MCC: variants seen among roughly 807,000 people sequenced by gnomAD.
MCC encodes MCC regulator of Wnt signaling pathway.
In MCC, 90 loss-of-function variants were observed where a neutral mutation model predicts 116.2. The observed-to-expected ratio is 0.77, with a 90% CI of 0.65 to 0.92. MCC has a LOEUF of 0.92. MCC is among the 40% of genes least tolerant of loss of function. The pLI is 0.00. For synonymous variants in MCC, 578 were observed against 510.5 expected, an observed-to-expected ratio of 1.13 and a Z score of -1.78; for missense variants, 1,516 against 1,312.2, an observed-to-expected ratio of 1.16 and a Z score of -2.40.
At chr5:113,475,479 G>A (rs1252442163) in intron 1 of MCC, among the ~76,000 whole-genome samples, 1 of 152,142 alleles carries the variant, frequency 6.6e-6, no homozygotes, top group East Asian at 1.9e-4. Context: ...ATCAGTTAGA[G>A]TCATCGATAA....
intron 3 of MCC, 82 bp downstream of exon 3, chr5:113,340,437 C>T (rs2150378725): frequency 8.7e-7 from 1 of 1,151,402 alleles, no homozygotes; most frequent in Non-Finnish European, 1.3e-6. Context: ...CCCGATATGT[C>T]CCCTGGAGCA....
At chr5:113,398,289 A>T (rs1769587585) in intron 1 of MCC, among the ~76,000 whole-genome samples, 1 of 152,202 alleles carries the variant, frequency 6.6e-6, no homozygotes, top group South Asian at 2.1e-4. Flanking sequence ...TTTCTCAAAG[A>T]ACTAAACATG....
chr5:113,288,916 G>A (rs999965892), intron 3 of MCC, among the ~76,000 whole-genome samples: 4 of 152,178 alleles, frequency 2.6e-5, no homozygotes, highest in African/African-American at 9.7e-5. Flanking sequence ...AGACAAGCAT[G>A]TCAATATCTG....
intron 6 of MCC, among the ~76,000 whole-genome samples, chr5:113,120,595 T>C (rs1343434309): frequency 6.6e-6 from 1 of 152,206 alleles, no homozygotes; most frequent in Non-Finnish European, 1.5e-5. Flanking sequence ...CTACTATCTT[T>C]AAACACATGT....
At chr5:113,436,006 G>A (rs1770846975) in intron 1 of MCC, 1 of 152,428 alleles carries the variant, frequency 6.6e-6, no homozygotes, top group African/African-American at 2.4e-5. Flanking sequence ...TCAGGAAGAA[G>A]GAGTTGCATG....
intron 17 of MCC, among the ~76,000 whole-genome samples, chr5:113,032,956 C>G (rs1283535364): frequency 6.6e-6 from 1 of 152,206 alleles, no homozygotes; most frequent in Non-Finnish European, 1.5e-5. Context: ...ATAATCCACC[C>G]TTTGTTTAGC....
chr5:113,151,191 A>G (rs1229826208), intron 4 of MCC, 118 bp downstream of exon 4: 1 of 658,344 alleles, frequency 1.5e-6, no homozygotes. Context: ...AAGACAGAGT[A>G]TTTGCTGATA....
intron 4 of MCC, among the ~76,000 whole-genome samples, chr5:113,143,603 C>T (rs1056694445): frequency 1.3e-5 from 2 of 152,160 alleles, no homozygotes; most frequent in African/African-American, 4.8e-5. Flanking sequence ...GGAAACAGTC[C>T]CTTTGCCATT....
At chr5:113,409,194 A>C (rs1201657772) in intron 1 of MCC, among the ~76,000 whole-genome samples, 1 of 152,180 alleles carries the variant, frequency 6.6e-6, no homozygotes, top group African/African-American at 2.4e-5. Flanking sequence ...GCATATTAGC[A>C]CTTGTCTGGA....
At chr5:113,104,034 G>C (rs1053238108) in intron 7 of MCC, among the ~76,000 whole-genome samples, 158 bp downstream of exon 7, 1 of 152,066 alleles carries the variant, frequency 6.6e-6, no homozygotes, top group South Asian at 2.1e-4. Context: ...AAAATTTCTA[G>C]AGCCCCCGCT....
chr5:113,047,737 CA>C (rs1174436826), intron 16 of MCC, among the ~76,000 whole-genome samples: 3 of 150,838 alleles, frequency 2.0e-5, no homozygotes, highest in Non-Finnish European at 4.4e-5. Flanking sequence ...GACCCTTGGA[CA>C]AGGGATATAA....
At chr5:113,074,083 C>G (rs921354463) in intron 11 of MCC, among the ~76,000 whole-genome samples, 1 of 152,250 alleles carries the variant, frequency 6.6e-6, no homozygotes, top group Admixed American at 6.5e-5. Context: ...ACTGCCTCCT[C>G]AAGTGGGTCC....
At chr5:113,273,411 T>C (rs191584151) in intron 3 of MCC, among the ~76,000 whole-genome samples, 2 of 152,344 alleles carry the variant, frequency 1.3e-5, no homozygotes, top group African/African-American at 4.8e-5. Flanking sequence ...AGGGATTGTA[T>C]ACTTCATTCT....
At chr5:113,044,543 T>C (rs962490459) in intron 16 of MCC, 1 of 912,752 alleles carries the variant, frequency 1.1e-6, no homozygotes, top group African/African-American at 1.8e-5. Flanking sequence ...AAGCTTGTGA[T>C]CTGTTGCAGG....
Position 113,280,262 on chromosome 5 carries a change from G to A in MCC, c.627+60257C>T, listed in dbSNP as rs185997722. Among the ~76,000 whole-genome samples, 19 of 152,300 alleles carry A rather than the reference G, an allele frequency of 1.2e-4. No homozygotes were observed. In the East Asian group the frequency reaches 3.7e-3, roughly 29 times the overall value. ...TCCTTTTTCATGGAAAGGGAACCTG[G>A]GGGTGGTGGGTTCCAGGGGCTCACA... On this transcript the variant is annotated intron_variant, in intron 3 of 18. Transcript: ENST00000408903.
intron 3 of MCC, among the ~76,000 whole-genome samples, chr5:113,199,008 A>G (rs1762559557): frequency 6.6e-6 from 1 of 151,708 alleles, no homozygotes; most frequent in East Asian, 2.0e-4. Context: ...TGTCTACTAA[A>G]AATACAAAAA....
At chr5:113,406,491 C>T (rs1252787004) in intron 1 of MCC, among the ~76,000 whole-genome samples, 1 of 152,190 alleles carries the variant, frequency 6.6e-6, no homozygotes, top group Non-Finnish European at 1.5e-5. Context: ...GCAGATTCTC[C>T]TCCAGGTGAA....
intron 3 of MCC, among the ~76,000 whole-genome samples, chr5:113,216,471 T>C (rs749106205): frequency 3.3e-5 from 5 of 152,236 alleles, no homozygotes; most frequent in Non-Finnish European, 7.3e-5. Flanking sequence ...AAATAATCTG[T>C]AAGCATTTTT....
chr5:113,175,334 C>T (rs1300571639), intron 3 of MCC, among the ~76,000 whole-genome samples: 1 of 152,174 alleles, frequency 6.6e-6, no homozygotes, highest in Admixed American at 6.5e-5. Context: ...GAAAGAGGTA[C>T]TACAATTAGT....
Sources: gnomAD v4.1 joint callset for allele counts (sites outside exome capture counted in the v4.1 genomes callset) on GRCh38, gnomAD v4.1.1 for gene constraint, MANE v1.5 for transcripts, NCBI Gene and HGNC (gene_info 2026-07-23, HGNC 2026-07-21) for gene names.